The following PKN2 variants were observed in gnomAD, a reference collection of about 807,000 sequenced individuals.
PKN2 encodes the protein serine/threonine-protein kinase N2.
Under a neutral mutation model 119.1 loss-of-function variants are expected in PKN2, and 38 were observed. The ratio of observed to expected loss-of-function variants is 0.32; its 90% CI spans 0.25 to 0.42. PKN2 has a LOEUF of 0.42. Ranked by LOEUF, PKN2 falls within the 10% of genes least tolerant of loss-of-function variation. The pLI, the probability that PKN2 is intolerant of heterozygous loss-of-function variation, is 1.00. For missense variants in PKN2, 850 were observed against 1,165.1 expected (o/e 0.73, Z 3.94); for synonymous variants, 390 against 384.9 (o/e 1.01, Z -0.15).
At chr1:88,752,494 G>T (rs560973060) in intron 2 of PKN2, among the ~76,000 whole-genome samples, 51 of 151,940 alleles carry the variant, frequency 3.4e-4, no homozygotes, top group Non-Finnish European at 5.1e-4. Flanking sequence ...AATTGTGCTG[G>T]AACTGTCAGT....
At chr1:88,719,009 A>G (rs978098137) in intron 1 of PKN2, among the ~76,000 whole-genome samples, 1 of 152,180 alleles carries the variant, frequency 6.6e-6, no homozygotes, top group African/African-American at 2.4e-5. Flanking sequence ...CTACTATGCT[A>G]AATGTGATAT....
chr1:88,804,944 A>G lies in PKN2; in HGVS notation c.1501+23A>G, dbSNP rs764957158. 46 of 1,081,378 alleles carry G rather than the reference A, an allele frequency of 4.3e-5. No individual in the cohort carries two copies. The Admixed American group carries it at 7.4e-4, about 18-fold the overall frequency. The allele number at this position is 1,081,378 out of a possible 1,614,324, so 67.0% of individuals were successfully genotyped here. A position where few individuals can be genotyped will look rare whatever the true frequency, so the allele number is the denominator to read the frequency against. On this transcript the variant is annotated intron_variant, in intron 10 of 21. Coordinates refer to ENST00000370521, the MANE Select transcript of PKN2 (RefSeq NM_006256.4). The stretch of plus-strand genomic sequence containing the variant: ...AAGGTAATTACTAACAATCAAATGC[A>G]TAGCATTTTGATATTTTCTTAAACA...
At chr1:88,792,026 GA>G (rs1218129421) in intron 8 of PKN2, among the ~76,000 whole-genome samples, 10 of 152,158 alleles carry the variant, frequency 6.6e-5, no homozygotes, top group African/African-American at 2.4e-4. Flanking sequence ...TTTCATCTGA[GA>G]TACTGTTTTT....
Position 88,814,063 on chromosome 1 carries a change from A to G in PKN2, c.2279+330A>G, listed in dbSNP as rs138935067. Among the ~76,000 whole-genome samples the G allele has an allele frequency of 1.8e-4, 28 of 151,814 alleles. No homozygotes were observed. The East Asian group carries it at 5.2e-3, about 28-fold the overall frequency. Reference sequence around the variant, plus strand: ...ACAGCTTTAAAGACAGATTATACTCAAAATGCACTGTTAAGTTTTTGAAAA... The same window carrying G: ...ACAGCTTTAAAGACAGATTATACTCGAAATGCACTGTTAAGTTTTTGAAAA... On this transcript the variant is annotated intron_variant, in intron 16 of 21. Coordinates refer to ENST00000370521, the MANE Select transcript of PKN2 (RefSeq NM_006256.4).
At chr1:88,762,650 A>T (rs1453544879) in intron 3 of PKN2, among the ~76,000 whole-genome samples, 1 of 152,188 alleles carries the variant, frequency 6.6e-6, no homozygotes, top group Non-Finnish European at 1.5e-5. Flanking sequence ...CCTGCTTTTA[A>T]GAGACCCACT....
At chr1:88,822,724 G>A (rs1672346338) in intron 17 of PKN2, among the ~76,000 whole-genome samples, 1 of 151,682 alleles carries the variant, frequency 6.6e-6, no homozygotes, top group South Asian at 2.1e-4. Flanking sequence ...AATTACAGGT[G>A]CCCGCCACCA....
Position 88,784,744 on chromosome 1 carries a change from C to T in PKN2, c.1091C>T (p.Thr364Ile), listed in dbSNP as rs200726637. ...VALPGWSPSE[T>I]RSSFMSRTSK... The stretch of plus-strand genomic sequence containing the variant: ...CTGCCTGGTTGGAGTCCAAGTGAAA[C>T]CAGATCATCTTTCATGAGCAGAACG... The change falls in exon 7 of 22, where the codon ACC becomes ATC. Residue 364 changes from threonine to isoleucine, a missense_variant. By Grantham distance (89) the Thr-to-Ile change is moderately conservative. Coordinates refer to ENST00000370521, the MANE Select transcript of PKN2 (RefSeq NM_006256.4). 13 of 1,612,574 alleles carry T rather than the reference C, an allele frequency of 8.1e-6. No homozygotes were observed. The highest frequency in any genetic ancestry group is 6.7e-5 in the Admixed American group (4 of 59,900).
At chr1:88,774,504 C>T (rs1670010197) in intron 6 of PKN2, among the ~76,000 whole-genome samples, 3 of 152,108 alleles carry the variant, frequency 2.0e-5, no homozygotes, top group Non-Finnish European at 4.4e-5. Flanking sequence ...AACAAAGGCA[C>T]GCCTATCACT....
intron 1 of PKN2, among the ~76,000 whole-genome samples, chr1:88,687,728 T>C (rs912858247): frequency 6.6e-6 from 1 of 152,016 alleles, no homozygotes; most frequent in Non-Finnish European, 1.5e-5. Flanking sequence ...TTGAGATAGT[T>C]ACCCTTAAAT....
chr1:88,797,393 C>T (rs1353910842), intron 8 of PKN2, among the ~76,000 whole-genome samples: 1 of 151,596 alleles, frequency 6.6e-6, no homozygotes, highest in East Asian at 1.9e-4. Context: ...CCTATAATCC[C>T]AGCACTTTGG....
chr1:88,777,155 C>CA (rs1006177340), intron 6 of PKN2, among the ~76,000 whole-genome samples: 1 of 152,146 alleles, frequency 6.6e-6, no homozygotes. Flanking sequence ...AATTGGCTCA[C>CA]TTTTTCTTCT....
At chr1:88,729,247 A>G (rs1276729904) in intron 1 of PKN2, among the ~76,000 whole-genome samples, 1 of 152,226 alleles carries the variant, frequency 6.6e-6, no homozygotes, top group Non-Finnish European at 1.5e-5. Flanking sequence ...GTAGGAGTCC[A>G]CAGAAAGTAA....
intron 2 of PKN2, among the ~76,000 whole-genome samples, chr1:88,749,947 G>T (rs1296061860): frequency 1.3e-5 from 2 of 152,128 alleles, no homozygotes; most frequent in Admixed American, 1.3e-4. Flanking sequence ...TTTGGACATA[G>T]AGAGCCAGCT....
At chr1:88,813,363 T>C (rs1671855959) in intron 15 of PKN2, among the ~76,000 whole-genome samples, 194 bp from the exon 16 acceptor site, 1 of 152,196 alleles carries the variant, frequency 6.6e-6, no homozygotes, top group Non-Finnish European at 1.5e-5. Flanking sequence ...TTTCTATTAA[T>C]ATATTTCAAC....
intron 3 of PKN2, among the ~76,000 whole-genome samples, chr1:88,767,576 C>T (rs893118867): frequency 6.6e-6 from 1 of 152,114 alleles, no homozygotes; most frequent in Non-Finnish European, 1.5e-5. Context: ...TGTAACTATA[C>T]TGAATACTGT....
Position 88,741,299 on chromosome 1 carries a change from G to A in PKN2, c.349+11G>A. 1 of 1,481,716 alleles carries A rather than the reference G, an allele frequency of 6.7e-7. No homozygotes were observed. Among genetic ancestry groups the A allele is most frequent in the South Asian group, 1.4e-5 (1 of 72,604 alleles). The allele number at this position is 1,481,716 out of a possible 1,614,324, so 91.8% of individuals were successfully genotyped here. ...CAGAAGATATTACAGGTATAGTAGT[G>A]CTTTATTTGATGTTTATATGGTATA... On this transcript the variant is annotated intron_variant, in intron 2 of 21. Transcript: ENST00000370521.
At chr1:88,707,505 G>A (rs1408823351) in intron 1 of PKN2, among the ~76,000 whole-genome samples, 1 of 152,018 alleles carries the variant, frequency 6.6e-6, no homozygotes, top group Non-Finnish European at 1.5e-5. Flanking sequence ...ACAATGGTAT[G>A]ACAAACCTTT....
chr1:88,706,435 T>C (rs1488710546), intron 1 of PKN2, among the ~76,000 whole-genome samples: 4 of 152,182 alleles, frequency 2.6e-5, no homozygotes, highest in African/African-American at 9.6e-5. Context: ...ATAAAAAGTT[T>C]TACTTCTTTG....
intron 16 of PKN2, chr1:88,815,394 CA>C (rs1671943546): frequency 3.2e-6 from 1 of 314,922 alleles, no homozygotes; most frequent in African/African-American, 2.3e-5. Context: ...TAAAATATCA[CA>C]TCACTAACCA....
Sources: allele counts gnomAD v4.1 joint callset (sites outside exome capture counted in the v4.1 genomes callset), GRCh38; gene constraint gnomAD v4.1.1; transcripts MANE v1.5; gene names NCBI Gene and HGNC (gene_info 2026-07-23, HGNC 2026-07-21).